Variants in MOCS1 observed in about 807,000 individuals in gnomAD.
The protein encoded by MOCS1 is molybdenum cofactor biosynthesis protein 1.
In MOCS1, 39 loss-of-function variants were observed where a neutral mutation model predicts 57.6. That is an observed-to-expected ratio of 0.68 (90% CI 0.52 to 0.88). MOCS1 has a LOEUF of 0.88. Among genes scored for constraint, MOCS1 ranks in the 40% least tolerant of loss-of-function variants. MOCS1 has a pLI of 0.00. For synonymous variants in MOCS1, 334 were observed against 335.7 expected, an observed-to-expected ratio of 1.00 and a Z score of 0.05; for missense variants, 795 against 831.1, an observed-to-expected ratio of 0.96 and a Z score of 0.53.
intron 4 of MOCS1, 141 bp downstream of exon 4, chr6:39,915,927 G>T: frequency 9.9e-7 from 1 of 1,010,738 alleles, no homozygotes; most frequent in Non-Finnish European, 1.5e-6. Flanking sequence ...AAAGATGAGG[G>T]GTGAGAAATA....
At chr6:39,908,104 G>A (rs1180658582) in intron 10 of MOCS1, among the ~76,000 whole-genome samples, 2 of 152,170 alleles carry the variant, frequency 1.3e-5, no homozygotes, top group African/African-American at 4.8e-5. Context: ...GGGAGGAGAG[G>A]AGATGAGAGT....
At chr6:39,925,634 G>GAGGC in intron 3 of MOCS1, 44 bp downstream of exon 3, 1 of 1,610,632 alleles carries the variant, frequency 6.2e-7, no homozygotes, top group Non-Finnish European at 8.5e-7. Context: ...CCAGCCGGAT[G>GAGGC]AGGCAGCGCT....
intron 8 of MOCS1, among the ~76,000 whole-genome samples, chr6:39,910,746 C>T (rs556502334): frequency 3.0e-4 from 45 of 152,250 alleles, no homozygotes; most frequent in Middle Eastern, 3.4e-3. Context: ...CCTCATGCCT[C>T]GCTCCCCAAC....
rs764459678 is a variant in MOCS1, at chr6:39,916,217, A to G, written c.434T>C (p.Leu145Pro). The G allele has an allele frequency of 1.4e-5, 23 of 1,613,634 alleles. No homozygotes were observed. Residue 145 changes from leucine to proline, a missense_variant, in exon 4 of 11, where the codon CTG becomes CCG. Physicochemically the swap from Leu to Pro is moderately conservative, Grantham distance 98. Transcript: ENST00000340692. ...AACACCTATGGTTCTCAGCCCTTCC[A>G]GCCGCTGGAGCTGGGCTGTAAGGAC... The part of the protein sequence containing the change: ...VVDIVAQLQR[L>P]EGLRTIGVTT...
chr6:39,927,296 C>T, intron 2 of MOCS1, 33 bp downstream of exon 2: 1 of 1,606,288 alleles, frequency 6.2e-7, no homozygotes, highest in Non-Finnish European at 8.5e-7. Flanking sequence ...CAGATGGACA[C>T]CAGCCCAGAG....
Position 39,924,211 on chromosome 6 carries a change from C to T in MOCS1, c.418+1467G>A, listed in dbSNP as rs1296404417. Among the ~76,000 whole-genome samples the T allele has an allele frequency of 2.6e-5, 4 of 152,206 alleles. No homozygotes were observed. The East Asian group carries it at 7.7e-4, about 29-fold the overall frequency. Reference sequence around the variant, plus strand: ...CTTATAAGGTAGGTACTATCACTGCCTCAAGGCTTAGAACAGATTTTAAAA... The same window carrying T: ...CTTATAAGGTAGGTACTATCACTGCTTCAAGGCTTAGAACAGATTTTAAAA... On this transcript the variant is annotated intron_variant, in intron 3 of 10. Transcript: ENST00000340692.
At chr6:39,934,062 G>C (rs553905702) in intron 1 of MOCS1, among the ~76,000 whole-genome samples, 2 of 152,106 alleles carry the variant, frequency 1.3e-5, no homozygotes, top group Non-Finnish European at 2.9e-5. Flanking sequence ...AGAAGGGGTG[G>C]CGTGGCTGGG....
chr6:39,925,606 T>A (rs1768232360), intron 3 of MOCS1, 72 bp downstream of exon 3: 1 of 1,576,506 alleles, frequency 6.3e-7, no homozygotes, highest in Non-Finnish European at 8.7e-7. Context: ...CTGCCACTGT[T>A]AACATCGGCA....
chr6:39,927,236 AG>A (rs1277319664), intron 2 of MOCS1, 92 bp downstream of exon 2: 1 of 1,492,040 alleles, frequency 6.7e-7, no homozygotes, highest in East Asian at 2.3e-5. Context: ...GCAGAACTGG[AG>A]GACACAGGAG....
At chr6:39,910,991 G>A (rs116189245) in intron 8 of MOCS1, among the ~76,000 whole-genome samples, 1,620 of 152,316 alleles carry the variant, frequency 0.011, 32 homozygotes, top group African/African-American at 0.037. Context: ...TAAGGCTCCA[G>A]CCCTTCCTGG....
intron 3 of MOCS1, among the ~76,000 whole-genome samples, chr6:39,923,240 C>A (rs144492698): frequency 6.6e-6 from 1 of 152,314 alleles, no homozygotes; most frequent in African/African-American, 2.4e-5. Flanking sequence ...TCAGCCAGGG[C>A]CAATAACCAC....
Position 39,906,230 on chromosome 6 carries a change from G to C in MOCS1, c.*127C>G, listed in dbSNP as rs1168799873. The C allele has an allele frequency of 5.1e-6, 6 of 1,185,122 alleles. No individual in the cohort carries two copies. The highest frequency in any genetic ancestry group is 7.5e-6 in the Non-Finnish European group (6 of 800,120). 73.4% of individuals were successfully genotyped at this position (1,185,122 alleles called of 1,614,324 possible). A position where few individuals can be genotyped will look rare whatever the true frequency, so the allele number is the denominator to read the frequency against. On this transcript the variant is annotated 3_prime_UTR_variant, in exon 11 of 11. Coordinates refer to ENST00000340692, the MANE Select transcript of MOCS1 (RefSeq NM_001358530.2). The stretch of plus-strand genomic sequence containing the variant: ...CTGTTTGTTAGTAGTAGAGCAGGCT[G>C]ACTTCGGGTTTACTGCTCAAGGTAA...
chr6:39,905,329 C>A lies in MOCS1; in HGVS notation c.*1028G>T, dbSNP rs1383776810. On this transcript the variant is annotated 3_prime_UTR_variant, in exon 11 of 11. Coordinates refer to ENST00000340692, the MANE Select transcript of MOCS1 (RefSeq NM_001358530.2). ...CCTTAGATGGTGCATTTCTATGCCCCCTACTCCACTTTATTTTCCCATAGC... is the reference window on the plus strand; with the variant it reads ...CCTTAGATGGTGCATTTCTATGCCCACTACTCCACTTTATTTTCCCATAGC... 6.6e-6 allele frequency: 3 copies of A among 457,058 alleles called. No homozygotes were observed. The highest frequency in any genetic ancestry group is 4.6e-5 in the South Asian group (3 of 64,550). The allele number at this position is 457,058 out of a possible 1,614,324, so 28.3% of individuals were successfully genotyped here. A position where few individuals can be genotyped will look rare whatever the true frequency, so the allele number is the denominator to read the frequency against.
At chr6:39,924,895 A>G (rs1768187991) in intron 3 of MOCS1, among the ~76,000 whole-genome samples, 3 of 152,180 alleles carry the variant, frequency 2.0e-5, no homozygotes, top group African/African-American at 7.2e-5. Context: ...CTTAGCCAAC[A>G]TGGTGAAACC....
intron 4 of MOCS1, among the ~76,000 whole-genome samples, chr6:39,914,829 G>A (rs1767562392): frequency 6.6e-6 from 1 of 152,166 alleles, no homozygotes; most frequent in African/African-American, 2.4e-5. Context: ...GAGTATGAAT[G>A]GGAGGGAAGA....
chr6:39,910,333 G>T (rs1367992773), intron 8 of MOCS1, among the ~76,000 whole-genome samples: 1 of 152,172 alleles, frequency 6.6e-6, no homozygotes, highest in East Asian at 1.9e-4. Flanking sequence ...AGCTGTGTGT[G>T]TCCTGGAAGT....
At position 39,913,313 on chromosome 6, in the gene MOCS1, T is replaced by C; in HGVS notation, c.757+4A>G. 3 of 1,613,158 alleles carry C rather than the reference T, an allele frequency of 1.9e-6. No homozygotes were observed. Among genetic ancestry groups the C allele is most frequent in the Non-Finnish European group, 2.5e-6 (3 of 1,179,104 alleles). ...CCTCCCTCAACCCATCCCTGGTCAC[T>C]GACCATCAAAGGGCATATACTCTAT... On this transcript the variant is annotated splice_donor_region_variant and intron_variant, in intron 6 of 10. Transcript: ENST00000340692.
Position 39,913,347 on chromosome 6 carries a change from C to A in MOCS1, c.727G>T (p.Val243Leu), listed in dbSNP as rs201547374. ...AAGGGCATATACTCTATGAAGCGCA[C>A]ATCCAGGGGGAGGCCCTCAGTCAAG... Reference protein sequence around the residue: ...AALTEGLPLDVRFIEYMPFDG... With the variant: ...AALTEGLPLDLRFIEYMPFDG... The change falls in exon 6 of 11, where the codon GTG (valine) becomes TTG (leucine). Residue 243 changes from valine (V) to leucine (L), a missense_variant. Coordinates refer to ENST00000340692, the MANE Select transcript of MOCS1 (RefSeq NM_001358530.2). 6.2e-7 allele frequency: 1 copy of A among 1,614,232 alleles called. No homozygotes were observed.
intron 1 of MOCS1, among the ~76,000 whole-genome samples, chr6:39,931,946 G>A (rs1768665276): frequency 6.6e-6 from 1 of 152,092 alleles, no homozygotes; most frequent in African/African-American, 2.4e-5. Context: ...GATGCAGGCT[G>A]GCAGGTTGCT....
Sources: allele counts gnomAD v4.1 joint callset (sites outside exome capture counted in the v4.1 genomes callset), GRCh38; gene constraint gnomAD v4.1.1; transcripts MANE v1.5; gene names NCBI Gene and HGNC (gene_info 2026-07-23, HGNC 2026-07-21).